Variants in NBPF15 observed in about 807,000 individuals in gnomAD.
NBPF15 encodes the protein NBPF member 15, also known as NBPF family member NBPF15.
NBPF15 carries 74 observed loss-of-function variants against 62.2 expected under a neutral mutation model. The observed-to-expected ratio is 1.19, with a 90% CI of 0.99 to 1.44. The LOEUF (loss-of-function observed/expected upper bound fraction) is 1.44, where lower values mean the gene tolerates loss of function less well. NBPF15 is among the 40% of genes most tolerant of loss of function. The pLI is 0.00. For missense variants in NBPF15, 790 were observed against 550.0 expected (o/e 1.44, Z -4.36); for synonymous variants, 244 against 209.7 (o/e 1.16, Z -1.41).
chr1:144,427,385 C>G (rs1450280417), intron 16 of NBPF15, among the ~76,000 whole-genome samples: 4 of 136,968 alleles, frequency 2.9e-5, no homozygotes, highest in Admixed American at 7.3e-5. Context: ...CGATTTAAAG[C>G]AAATGCCCCC....
rs1247176694 is a variant in NBPF15 at position 144,427,837 on chromosome 1, G to C, written c.1194C>G (p.Gly398=). 1 of 738,562 alleles carries C rather than the reference G, an allele frequency of 1.4e-6. No homozygotes were observed. Among genetic ancestry groups the C allele is most frequent in the Non-Finnish European group, 2.5e-6 (1 of 404,800 alleles). 45.8% of individuals were successfully genotyped at this position (738,562 alleles called of 1,614,324 possible). A position where few individuals can be genotyped will look rare whatever the true frequency, so the allele number is the denominator to read the frequency against. ...AFYVLEQQRV[G]LAIDMDEIEK... The stretch of plus-strand genomic sequence containing the variant: ...ACTCACCATCCATGTCAATAGCCAA[G>C]CCAACACGCTGTTGCTCCAATACGT... Residue 398 remains glycine (G), a synonymous_variant, in exon 16 of 22, where the codon GGC becomes GGG. Transcript: ENST00000581897.
At position 144,421,670 on chromosome 1, in the gene NBPF15, A is replaced by T. The variant is rs1666132564; in HGVS notation, c.*1343T>A. 2.0e-5 allele frequency: 3 copies of T among 150,964 alleles called. No homozygotes were observed. Among genetic ancestry groups the T allele is most frequent in the African/African-American group, 4.9e-5 (2 of 40,996 alleles). The allele number at this position is 150,964 out of a possible 1,614,324, so 9.4% of individuals were successfully genotyped here. On this transcript the variant is annotated 3_prime_UTR_variant, in exon 22 of 22. Transcript: ENST00000581897. ...GAGATATGAATATAATAATAGACAC[A>T]GGCAGGGAGGATTAATAAATGATAA... is the stretch of plus-strand genomic sequence containing the variant.
chr1:144,456,096 C>A (rs1647451471), intron 4 of NBPF15, among the ~76,000 whole-genome samples: 1 of 151,800 alleles, frequency 6.6e-6, no homozygotes, highest in Non-Finnish European at 1.5e-5. Context: ...CATCTCCCCA[C>A]CCAGGACAGT....
intron 8 of NBPF15, among the ~76,000 whole-genome samples, chr1:144,438,433 C>T (rs2102152975): frequency 6.6e-6 from 1 of 152,068 alleles, no homozygotes; most frequent in South Asian, 2.1e-4. Flanking sequence ...GGGAAGGCCC[C>T]TAGGACTATG....
At chr1:144,443,078 T>C (rs1458324717) in intron 6 of NBPF15, 1 of 161,024 alleles carries the variant, frequency 6.2e-6, no homozygotes, top group Non-Finnish European at 1.4e-5. Context: ...CACACACCAT[T>C]TTAATTTCAG....
chr1:144,437,503 G>A (rs1391739094), intron 9 of NBPF15, among the ~76,000 whole-genome samples: 3 of 147,616 alleles, frequency 2.0e-5, no homozygotes, highest in Non-Finnish European at 4.5e-5. Context: ...AGGTGCAGAT[G>A]GGGTGAATTG....
At chr1:144,442,041 A>G (rs1173354062) in intron 6 of NBPF15, among the ~76,000 whole-genome samples, 1 of 144,996 alleles carries the variant, frequency 6.9e-6, no homozygotes, top group Non-Finnish European at 1.5e-5. Context: ...GGATAGCATT[A>G]GGATATATAC....
chr1:144,428,666 A>C lies in NBPF15; in HGVS notation c.989-9T>G. The C allele has an allele frequency of 4.3e-6, 4 of 923,864 alleles. No homozygotes were observed. The highest frequency in any genetic ancestry group is 5.3e-6 in the Non-Finnish European group (3 of 561,344). The allele number at this position is 923,864 out of a possible 1,614,324, so 57.2% of individuals were successfully genotyped here. A position where few individuals can be genotyped will look rare whatever the true frequency, so the allele number is the denominator to read the frequency against. ...TTGATCCCACCGATGTCCTGCAAAT[A>C]AATTCAGATGGGCCCTCTTACATTA... On this transcript the variant is annotated splice_polypyrimidine_tract_variant and intron_variant, in intron 14 of 21. Coordinates refer to ENST00000581897, the MANE Select transcript of NBPF15 (RefSeq NM_001385408.1).
Position 144,423,120 on chromosome 1 carries a change from C to G in NBPF15, c.1906G>C (p.Glu636Gln), listed in dbSNP as rs376306127. ...QHYRSVFYSF[E>Q]EEHISFALYV... ...AGGGCGAAGCTGATATGCTCTTCCTCAAATGAGTAAAACACACTTCTGTAG... is the reference window on the plus strand; with the variant it reads ...AGGGCGAAGCTGATATGCTCTTCCTGAAATGAGTAAAACACACTTCTGTAG... Residue 636 changes from glutamate to glutamine, a missense_variant, in exon 22 of 22, where the codon GAG (glutamate) becomes CAG (glutamine). Coordinates refer to ENST00000581897, the MANE Select transcript of NBPF15 (RefSeq NM_001385408.1). 1.7e-5 allele frequency: 27 copies of G among 1,611,486 alleles called. No individual in the cohort carries two copies. The highest frequency in any genetic ancestry group is 2.2e-5 in the Non-Finnish European group (26 of 1,179,606).
Position 144,427,997 on chromosome 1 carries a change from A to T in NBPF15, c.1041-7T>A. 2.7e-6 allele frequency: 2 copies of T among 736,526 alleles called. No homozygotes were observed. The highest frequency in any genetic ancestry group is 2.9e-5 in the South Asian group (2 of 69,056). 45.6% of individuals were successfully genotyped at this position (736,526 alleles called of 1,614,324 possible). A position where few individuals can be genotyped will look rare whatever the true frequency, so the allele number is the denominator to read the frequency against. ...CAGCAGCTCCCTGCTGAGCCTGGAA[A>T]AGTGGGAAAAAGTAAAGAATAAGCC... On this transcript the variant is annotated splice_polypyrimidine_tract_variant and splice_region_variant and intron_variant, in intron 15 of 21. Transcript: ENST00000581897.
chr1:144,447,074 A>T (rs1553544315), intron 6 of NBPF15, among the ~76,000 whole-genome samples: 1 of 152,084 alleles, frequency 6.6e-6, no homozygotes. Context: ...CTCTCAAGGA[A>T]ATCCCTCCCG....
At position 144,435,223 on chromosome 1, in the gene NBPF15, G is replaced by C. The variant is rs1443025981; in HGVS notation, c.660C>G (p.Ser220=). The change falls in exon 12 of 22, where the codon TCC becomes TCG. Residue 220 remains serine (S), a synonymous_variant. Coordinates refer to ENST00000581897, the MANE Select transcript of NBPF15 (RefSeq NM_001385408.1). ...TCSNSHGPYD[S]NQPHKKTKIT... is the part of the protein sequence containing the mutation. Reference sequence around the variant, plus strand: ...TTTTGGTTTTCTTATGTGGCTGGTTGGAGTCATAAGGGCCATGGCTATTTG... The same window carrying C: ...TTTTGGTTTTCTTATGTGGCTGGTTCGAGTCATAAGGGCCATGGCTATTTG... The C allele has an allele frequency of 2.5e-6, 4 of 1,612,836 alleles. No homozygotes were observed. In the African/African-American group the frequency reaches 5.3e-5, roughly 22 times the overall value.
Position 144,435,873 on chromosome 1 carries a change from C to G in NBPF15, c.494-20G>C. The G allele has an allele frequency of 1.0e-6, 1 of 959,324 alleles. No homozygotes were observed. The highest frequency in any genetic ancestry group is 1.3e-5 in the South Asian group (1 of 74,984). The allele number at this position is 959,324 out of a possible 1,614,324, so 59.4% of individuals were successfully genotyped here. On this transcript the variant is annotated intron_variant, in intron 10 of 21. Transcript: ENST00000581897. ...CATTTTCTGTAAATACAGAAGTGTT[C>G]GTTCAGATATTTCCCACTTCACAGT...
At chr1:144,453,259 G>A (rs1692307255) in intron 4 of NBPF15, among the ~76,000 whole-genome samples, 1 of 151,100 alleles carries the variant, frequency 6.6e-6, no homozygotes, top group South Asian at 2.1e-4. Context: ...CCAACTAGTG[G>A]TGCTAGAACA....
At chr1:144,459,507 G>A (rs1486794727) in intron 2 of NBPF15, 24 bp from the exon 3 acceptor site, 1 of 150,412 alleles carries the variant, frequency 6.6e-6, no homozygotes. Context: ...GAAAAAAAAA[G>A]TTAGAGAATC....
chr1:144,438,687 G>A (rs1376661616), intron 8 of NBPF15, among the ~76,000 whole-genome samples: 1 of 151,940 alleles, frequency 6.6e-6, no homozygotes, highest in African/African-American at 2.4e-5. Context: ...GCCAATAAAT[G>A]TTCTAGGAGA....
At chr1:144,442,116 A>AATATATATACACGTGTATATATATATAT (rs1683409131) in intron 6 of NBPF15, among the ~76,000 whole-genome samples, 2 of 61,840 alleles carry the variant, frequency 3.2e-5, no homozygotes, top group Non-Finnish European at 5.8e-5. Flanking sequence ...ATATATATAT[A>AATATATATACACGTGTATATATATATAT]ATATATATAC....
intron 6 of NBPF15, among the ~76,000 whole-genome samples, chr1:144,447,604 G>C (rs1221894433): frequency 6.6e-6 from 1 of 151,842 alleles, no homozygotes; most frequent in African/African-American, 2.4e-5. Context: ...GTGGATCTGT[G>C]GGAAGGAGGA....
At chr1:144,428,178 G>GACACACACACACACAC (rs782021320) in intron 15 of NBPF15, among the ~76,000 whole-genome samples, 188 bp from the exon 16 acceptor site, 10 of 132,528 alleles carry the variant, frequency 7.5e-5, no homozygotes, top group Middle Eastern at 3.7e-3. Context: ...GAAAGAGAAA[G>GACACACACACACACAC]ACACACACAC....
Sources: gnomAD v4.1 joint callset for allele counts (sites outside exome capture counted in the v4.1 genomes callset) on GRCh38, gnomAD v4.1.1 for gene constraint, MANE v1.5 for transcripts, NCBI Gene and HGNC (gene_info 2026-07-23, HGNC 2026-07-21) for gene names.